Variants in KAT6A observed in about 807,000 individuals in gnomAD.
KAT6A encodes the protein lysine acetyltransferase 6A.
KAT6A carries 9 observed loss-of-function variants against 198.4 expected under a neutral mutation model. The observed-to-expected ratio is 0.05, with a 90% CI of 0.03 to 0.08. The LOEUF (loss-of-function observed/expected upper bound fraction) is 0.08. KAT6A is among the 10% of genes least tolerant of loss of function. The pLI is 1.00. For synonymous variants in KAT6A, 890 were observed against 883.0 expected, an observed-to-expected ratio of 1.01 and a Z score of -0.14; for missense variants, 2,077 against 2,509.9, an observed-to-expected ratio of 0.83 and a Z score of 3.69.
At chr8:41,951,678 G>A (rs919888371) in intron 9 of KAT6A, among the ~76,000 whole-genome samples, 2 of 152,216 alleles carry the variant, frequency 1.3e-5, no homozygotes, top group African/African-American at 4.8e-5. Context: ...AATCAGGGCT[G>A]TGCTGCAGCT....
At chr8:42,040,748 AAAAAAAAAAAAAG>A (rs1827621905) in intron 2 of KAT6A, among the ~76,000 whole-genome samples, 1 of 150,442 alleles carries the variant, frequency 6.6e-6, no homozygotes, top group Admixed American at 6.6e-5. Context: ...AAAAAAAAAA[AAAAAAAAAAAAAG>A]AAAGAAAGAA....
Position 41,929,608 on chromosome 8 carries a change from C to A in KAT6A, c.*2597G>T. ...GAAGGGAGGCCGGCTGGCCCAGGAGCGCGTGACATGGAGAGATACAAAGGC... is the reference window on the plus strand; with the variant it reads ...GAAGGGAGGCCGGCTGGCCCAGGAGAGCGTGACATGGAGAGATACAAAGGC... On this transcript the variant is annotated 3_prime_UTR_variant, in exon 17 of 17. Transcript: ENST00000265713. The A allele has an allele frequency of 5.2e-6, 1 of 193,426 alleles. No individual in the cohort carries two copies. Among genetic ancestry groups the A allele is most frequent in the Non-Finnish European group, 1.1e-5 (1 of 92,586 alleles). The allele number at this position is 193,426 out of a possible 1,614,324, so 12.0% of individuals were successfully genotyped here. A position where few individuals can be genotyped will look rare whatever the true frequency, so the allele number is the denominator to read the frequency against.
In KAT6A at chr8:41,946,529, C is replaced by CACACACACAT. The variant is rs1554682543; in HGVS notation, c.1996+61_1996+62insATGTGTGTGT. 5.9e-3 allele frequency: 4,046 copies of CACACACACAT among 681,938 alleles called. 202 individuals carry two copies. The highest frequency in any genetic ancestry group is 0.034 in the African/African-American group (1,728 of 51,162). 42.2% of individuals were successfully genotyped at this position (681,938 alleles called of 1,614,324 possible). Reference sequence around the variant, plus strand: ...ACACACACACACACACACACACACACACACACACACACAGAGAAGGTCCAC... The same window carrying CACACACACAT: ...ACACACACACACACACACACACACACACACACACATACACACACACACAGAGAAGGTCCAC... On this transcript the variant is annotated intron_variant, in intron 12 of 16. Transcript: ENST00000265713.
In KAT6A at chr8:41,930,445, C is replaced by T. The variant is rs1290679083; in HGVS notation, c.*1760G>A. On this transcript the variant is annotated 3_prime_UTR_variant, in exon 17 of 17. Transcript: ENST00000265713. ...GAATTCTGCGTTTCTACCTAGCACG[C>T]TTGAGAAAGTCAATTAAAGTGTATT... 2.7e-5 allele frequency: 6 copies of T among 220,170 alleles called. No individual in the cohort carries two copies. The highest frequency in any genetic ancestry group is 5.5e-5 in the Non-Finnish European group (6 of 110,056). The allele number at this position is 220,170 out of a possible 1,614,324, so 13.6% of individuals were successfully genotyped here. A position where few individuals can be genotyped will look rare whatever the true frequency, so the allele number is the denominator to read the frequency against.
chr8:41,957,358 G>GCT (rs1186152804), intron 8 of KAT6A: 1 of 522,778 alleles, frequency 1.9e-6, no homozygotes, highest in Non-Finnish European at 3.9e-6. Flanking sequence ...AATCAGCAAG[G>GCT]CTCTCTACAC....
chr8:41,975,971 C>T (rs1282627525), intron 7 of KAT6A, among the ~76,000 whole-genome samples: 1 of 152,176 alleles, frequency 6.6e-6, no homozygotes, highest in East Asian at 1.9e-4. Flanking sequence ...ATGCTCAGAT[C>T]AGGAACTTAT....
chr8:42,049,007 G>A lies in KAT6A; in HGVS notation c.-30C>T, dbSNP rs368672862. On this transcript the variant is annotated 5_prime_UTR_variant, in exon 2 of 17. In the 5' UTR this introduces an upstream ATG that the reference lacks. Coordinates refer to ENST00000265713, the MANE Select transcript of KAT6A (RefSeq NM_006766.5). ...AAGGATTCTGTATATCCATAGAGTC[G>A]TTATCCCTTATCCTGATGCTGAGTA... 1.9e-6 allele frequency: 3 copies of A among 1,591,968 alleles called. No homozygotes were observed. The highest frequency in any genetic ancestry group is 2.6e-6 in the Non-Finnish European group (3 of 1,171,566).
intron 2 of KAT6A, among the ~76,000 whole-genome samples, chr8:42,007,701 G>C (rs1426958994): frequency 6.6e-6 from 1 of 152,148 alleles, no homozygotes; most frequent in Non-Finnish European, 1.5e-5. Flanking sequence ...AGTGGCTCAA[G>C]CCTGTAATCC....
At chr8:42,035,551 A>G (rs1827333348) in intron 2 of KAT6A, among the ~76,000 whole-genome samples, 1 of 152,232 alleles carries the variant, frequency 6.6e-6, no homozygotes, top group South Asian at 2.1e-4. Context: ...GATACAGGCA[A>G]AAGATAAAAC....
chr8:42,002,360 C>T (rs1825537718), intron 2 of KAT6A, among the ~76,000 whole-genome samples: 2 of 152,078 alleles, frequency 1.3e-5, no homozygotes, highest in Non-Finnish European at 2.9e-5. Context: ...CAAAACAAAA[C>T]AATCAGCCTG....
chr8:41,989,695 C>G (rs1470971156), intron 2 of KAT6A, among the ~76,000 whole-genome samples: 1 of 152,146 alleles, frequency 6.6e-6, no homozygotes, highest in Non-Finnish European at 1.5e-5. Flanking sequence ...ATCTAGAAGT[C>G]ATATACATAC....
At chr8:42,039,302 A>G (rs565357769) in intron 2 of KAT6A, among the ~76,000 whole-genome samples, 24 of 152,360 alleles carry the variant, frequency 1.6e-4, no homozygotes, top group African/African-American at 5.8e-4. Context: ...AGTATTCATT[A>G]TTATAATTTT....
Position 41,933,595 on chromosome 8 carries a change from G to C in KAT6A, c.4625C>G (p.Ser1542Cys). 2 of 1,614,150 alleles carry C rather than the reference G, an allele frequency of 1.2e-6. No individual in the cohort carries two copies. Among genetic ancestry groups the C allele is most frequent in the Non-Finnish European group, 1.7e-6 (2 of 1,180,022 alleles). ...MMDVPSVSDH[S>C]QQVVDSGFSD... ...GAAGCCGCTGTCCACCACCTGCTGA[G>C]AGTGGTCTGATACGGAAGGCACATC... is the stretch of plus-strand genomic sequence containing the variant. Residue 1542 changes from serine to cysteine, a missense_variant, in exon 17 of 17, where the codon TCT (serine) becomes TGT (cysteine). Coordinates refer to ENST00000265713, the MANE Select transcript of KAT6A (RefSeq NM_006766.5). This position sits in a 1 kb window ranked among gnomAD's most constrained non-coding sequence, Gnocchi z 6.2.
intron 2 of KAT6A, among the ~76,000 whole-genome samples, chr8:42,021,093 A>C (rs960977825): frequency 2.6e-5 from 4 of 152,080 alleles, no homozygotes; most frequent in African/African-American, 9.7e-5. Flanking sequence ...AATAGGGCCA[A>C]ACTGAGGGGG....
intron 2 of KAT6A, among the ~76,000 whole-genome samples, chr8:42,041,780 A>G (rs1179163384): frequency 6.6e-6 from 1 of 152,046 alleles, no homozygotes; most frequent in African/African-American, 2.4e-5. Flanking sequence ...AAAAATGTTT[A>G]AATTATTAAA....
intron 2 of KAT6A, among the ~76,000 whole-genome samples, chr8:42,047,435 T>C (rs1198531604): frequency 2.0e-5 from 3 of 152,146 alleles, no homozygotes; most frequent in Non-Finnish European, 2.9e-5. Flanking sequence ...TTTTTGTTTT[T>C]AGAACAGGGT....
At chr8:42,009,676 G>C (rs1825916148) in intron 2 of KAT6A, among the ~76,000 whole-genome samples, 2 of 151,678 alleles carry the variant, frequency 1.3e-5, no homozygotes, top group East Asian at 3.9e-4. Flanking sequence ...AGGTGGGAGG[G>C]TTGCTTGAGC....
At chr8:41,940,478 A>C (rs1282614498) in intron 15 of KAT6A, among the ~76,000 whole-genome samples, 1 of 152,178 alleles carries the variant, frequency 6.6e-6, no homozygotes, top group African/African-American at 2.4e-5. Flanking sequence ...AAACACTTCT[A>C]ATCTGTACAT....
chr8:42,015,623 T>C (rs1826234864), intron 2 of KAT6A, among the ~76,000 whole-genome samples: 1 of 152,230 alleles, frequency 6.6e-6, no homozygotes, highest in South Asian at 2.1e-4. Context: ...ATATGTACTA[T>C]TCTATCCTTT....
Sources: allele counts gnomAD v4.1 joint callset (sites outside exome capture counted in the v4.1 genomes callset), GRCh38; gene constraint gnomAD v4.1.1; non-coding constraint Gnocchi (gnomAD v3.1); transcripts MANE v1.5; gene names NCBI Gene and HGNC (gene_info 2026-07-23, HGNC 2026-07-21).